CAMK2G: variants seen among roughly 807,000 people sequenced by gnomAD.
CAMK2G encodes calcium/calmodulin-dependent protein kinase type II subunit gamma.
A neutral mutation model predicts 88.7 loss-of-function variants in CAMK2G; 23 were observed. The observed-to-expected ratio is 0.26, with a 90% confidence interval of 0.19 to 0.37. The LOEUF (loss-of-function observed/expected upper bound fraction) is 0.37. Among genes scored for constraint, CAMK2G ranks in the 10% least tolerant of loss-of-function variants. The pLI is 1.00. For synonymous variants in CAMK2G, 263 were observed against 294.8 expected (o/e 0.89, Z 1.11); for missense variants, 476 against 780.8 (o/e 0.61, Z 4.65).
intron 15 of CAMK2G, among the ~76,000 whole-genome samples, chr10:73,825,947 G>C (rs2090786851): frequency 2.0e-5 from 3 of 152,202 alleles, no homozygotes; most frequent in Admixed American, 1.3e-4. Context: ...GGACTGTGCT[G>C]TTCACCTTTT....
At chr10:73,854,294 C>T (rs2094863509) in intron 3 of CAMK2G, among the ~76,000 whole-genome samples, 1 of 152,220 alleles carries the variant, frequency 6.6e-6, no homozygotes, top group South Asian at 2.1e-4. Context: ...GGCGGAATCC[C>T]TCCCTGCTCC....
At chr10:73,865,930 T>C (rs996236340) in intron 2 of CAMK2G, among the ~76,000 whole-genome samples, 1 of 132,408 alleles carries the variant, frequency 7.6e-6, no homozygotes, top group Non-Finnish European at 1.6e-5. Context: ...ACAGGGCCAC[T>C]TCCTGCCTGC....
At position 73,825,279 on chromosome 10, in the gene CAMK2G, C is replaced by T; in HGVS notation, c.1155G>A (p.Met385Ile). 6.2e-7 allele frequency: 1 copy of T among 1,610,876 alleles called. No homozygotes were observed. The change falls in exon 16 of 23, where the codon ATG (methionine) becomes ATA (isoleucine). Residue 385 changes from methionine to isoleucine, a missense_variant and splice_region_variant. Met to Ile is a conservative substitution (Grantham distance 10). Transcript: ENST00000423381. ...CGGAGAAGCTGTAGTCAGGAGGTAC[C>T]ATGGCCGTCTGCAAGGGCGCGGGCT... ...AQEPAPLQTA[M>I]EPQTTVVHNA...
chr10:73,825,486 G>A (rs1045727684), intron 15 of CAMK2G, 139 bp from the exon 16 acceptor site: 2 of 675,560 alleles, frequency 3.0e-6, no homozygotes, highest in Non-Finnish European at 5.4e-6. Flanking sequence ...GTGTAGATGG[G>A]AGCGATGGCT....
At chr10:73,869,653 T>C (rs1345298254) in intron 2 of CAMK2G, among the ~76,000 whole-genome samples, 1 of 152,244 alleles carries the variant, frequency 6.6e-6, no homozygotes, top group Admixed American at 6.5e-5. Flanking sequence ...GGCCTGCCCA[T>C]GCAGAAGTAT....
chr10:73,829,917 C>T (rs2092124295), intron 14 of CAMK2G, among the ~76,000 whole-genome samples: 1 of 152,160 alleles, frequency 6.6e-6, no homozygotes, highest in Admixed American at 6.5e-5. Flanking sequence ...TAAAGAAGAG[C>T]ACAGGTTTCT....
rs1446015031 is a variant in CAMK2G, at chr10:73,861,730, C to T, written c.161-841G>A. On this transcript the variant is annotated intron_variant, in intron 2 of 22. Coordinates refer to ENST00000423381, the MANE Select transcript of CAMK2G (RefSeq NM_001367534.1). ...GCACCTAATATATACTCGGCACTGG[C>T]TAGGGGTTTTGCATATATTCTCTAC... is the stretch of plus-strand genomic sequence containing the variant. Among the ~76,000 whole-genome samples the T allele has an allele frequency of 3.3e-5, 5 of 152,262 alleles. No individual in the cohort carries two copies. In the East Asian group the frequency reaches 9.6e-4, roughly 29 times the overall value.
Position 73,839,554 on chromosome 10 carries a change from C to T in CAMK2G, c.994G>A (p.Gly332Ser), listed in dbSNP as rs551904337. The stretch of plus-strand genomic sequence containing the variant: ...TGCCACGTACCTTGCCCGGCCAGGC[C>T]GGCGGCGCTCGCGGCAGGCGAGGCG... ...APASPAASAA[G>S]LAGQAAKSLL... Residue 332 changes from glycine (G) to serine (S), a missense_variant, in exon 13 of 23, where the codon GGC (glycine) becomes AGC (serine). Gly to Ser is a moderately conservative substitution (Grantham distance 56, BLOSUM62 0). Around this residue, in one of 3 missense-constraint regions of CAMK2G, gnomAD observed 278 missense variants for 366.5 expected, o/e 0.76. Coordinates refer to ENST00000423381, the MANE Select transcript of CAMK2G (RefSeq NM_001367534.1). This position sits in a 1 kb window ranked among gnomAD's most constrained non-coding sequence, Gnocchi z 4.2. 61 of 1,234,924 alleles carry T rather than the reference C, an allele frequency of 4.9e-5. 1 individual carries two copies. In the South Asian group the frequency reaches 1.6e-3, roughly 33 times the overall value. The allele number at this position is 1,234,924 out of a possible 1,614,324, so 76.5% of individuals were successfully genotyped here.
At position 73,824,000 on chromosome 10, in the gene CAMK2G, C is replaced by G. The variant is rs954693581; in HGVS notation, c.1200+40G>C. ...TGGGACCCAGCCCACCTGTCTCCTG[C>G]TGACCTGGAAAGCAGGAGGCAGGCT... On this transcript the variant is annotated intron_variant, in intron 17 of 22. Coordinates refer to ENST00000423381, the MANE Select transcript of CAMK2G (RefSeq NM_001367534.1). 6 of 1,567,558 alleles carry G rather than the reference C, an allele frequency of 3.8e-6. No homozygotes were observed. The East Asian group carries it at 1.3e-4, about 35-fold the overall frequency.
intron 14 of CAMK2G, chr10:73,837,139 GAT>G (rs2093328521): frequency 3.2e-6 from 1 of 317,116 alleles, no homozygotes; most frequent in Non-Finnish European, 6.0e-6. Context: ...AAAAAAGAAA[GAT>G]AACCAAATGA....
At chr10:73,843,477 C>T (rs563955093) in intron 10 of CAMK2G, among the ~76,000 whole-genome samples, 1 of 152,244 alleles carries the variant, frequency 6.6e-6, no homozygotes, top group East Asian at 1.9e-4. Flanking sequence ...CTGTCAATAC[C>T]AGCATCATTA....
chr10:73,817,589 G>T, intron 19 of CAMK2G, 35 bp from the exon 20 acceptor site: 1 of 1,449,756 alleles, frequency 6.9e-7, no homozygotes, highest in Non-Finnish European at 9.7e-7. Context: ...TTTACCTACT[G>T]GGGAACCTCC....
chr10:73,847,400 G>A (rs572299905), intron 9 of CAMK2G, 53 bp from the exon 10 acceptor site: 10 of 1,592,010 alleles, frequency 6.3e-6, no homozygotes, highest in Non-Finnish European at 8.6e-7. Flanking sequence ...TTCATACCCT[G>A]CAACACTGGT....
In CAMK2G at chr10:73,842,092, G is replaced by A. The variant is rs1468734119; in HGVS notation, c.946+77C>T. ...GCCCAGGACGCCGAGGAAACCCAGCGGTGCCCGGGATGGCAACAGCCCATT... is the reference window on the plus strand; with the variant it reads ...GCCCAGGACGCCGAGGAAACCCAGCAGTGCCCGGGATGGCAACAGCCCATT... On this transcript the variant is annotated intron_variant, in intron 12 of 22. Coordinates refer to ENST00000423381, the MANE Select transcript of CAMK2G (RefSeq NM_001367534.1). The surrounding 1 kb of genome is among the most constrained non-coding windows in gnomAD (Gnocchi z 4.6). 1.0e-5 allele frequency: 12 copies of A among 1,180,028 alleles called. No homozygotes were observed. Among genetic ancestry groups the A allele is most frequent in the Non-Finnish European group, 1.4e-5 (11 of 784,132 alleles). The allele number at this position is 1,180,028 out of a possible 1,614,324, so 73.1% of individuals were successfully genotyped here. A position where few individuals can be genotyped will look rare whatever the true frequency, so the allele number is the denominator to read the frequency against.
At chr10:73,823,908 G>A in intron 17 of CAMK2G, 132 bp downstream of exon 17, 1 of 765,046 alleles carries the variant, frequency 1.3e-6, no homozygotes, top group Non-Finnish European at 2.3e-6. Context: ...GAGCAACTGT[G>A]GGCACAGGCT....
intron 20 of CAMK2G, 23 bp downstream of exon 20, chr10:73,817,456 A>C (rs368242641): frequency 2.7e-4 from 424 of 1,543,830 alleles, no homozygotes; most frequent in Non-Finnish European, 3.3e-4. Flanking sequence ...TTAGGTCACA[A>C]AAAAAAATGG....
intron 14 of CAMK2G, among the ~76,000 whole-genome samples, chr10:73,835,372 C>T (rs964662494): frequency 2.6e-5 from 4 of 151,726 alleles, no homozygotes; most frequent in African/African-American, 9.7e-5. Context: ...CTTGGCTCAC[C>T]TCAGGCTCAA....
At chr10:73,869,322 G>A (rs559597653) in intron 2 of CAMK2G, among the ~76,000 whole-genome samples, 1 of 152,294 alleles carries the variant, frequency 6.6e-6, no homozygotes, top group East Asian at 1.9e-4. Flanking sequence ...CCCAACAGTG[G>A]CCCTATAGTG....
chr10:73,818,972 TAAC>T, intron 19 of CAMK2G: 1 of 377,484 alleles, frequency 2.6e-6, no homozygotes, highest in Non-Finnish European at 5.4e-6. Flanking sequence ...GTCTTTTATC[TAAC>T]AAGGCTCTGA....
Sources: allele counts gnomAD v4.1 joint callset (sites outside exome capture counted in the v4.1 genomes callset), GRCh38; gene constraint gnomAD v4.1.1; regional missense constraint gnomAD v4.1.1; non-coding constraint Gnocchi (gnomAD v3.1); transcripts MANE v1.5; gene names NCBI Gene and HGNC (gene_info 2026-07-23, HGNC 2026-07-21).